MEIOSIN: variants seen among roughly 807,000 people sequenced by gnomAD.
MEIOSIN encodes the protein meiosis initiator protein.
In MEIOSIN, 18 loss-of-function variants were observed where a neutral mutation model predicts 23.4. That is an observed-to-expected ratio of 0.77 (90% CI 0.53 to 1.14). The LOEUF (loss-of-function observed/expected upper bound fraction) is 1.14, where lower values mean the gene tolerates loss of function less well. MEIOSIN is among the 50% of genes most tolerant of loss of function. MEIOSIN has a pLI of 0.00. For synonymous variants in MEIOSIN, 187 were observed against 100.6 expected (o/e 1.86, Z -5.14); for missense variants, 428 against 242.9 (o/e 1.76, Z -5.07).
At chr19:45,745,395 C>T (rs1968575634) in intron 4 of MEIOSIN, 74 bp downstream of exon 4, 2 of 662,324 alleles carry the variant, frequency 3.0e-6, no homozygotes, top group African/African-American at 3.6e-5. Flanking sequence ...TCACCCTCTC[C>T]TGGGAAACCT....
At chr19:45,750,268 C>T (rs1446762283) in intron 4 of MEIOSIN, among the ~76,000 whole-genome samples, 1 of 148,132 alleles carries the variant, frequency 6.8e-6, no homozygotes, top group Non-Finnish European at 1.5e-5. Flanking sequence ...ACCTTTGCTT[C>T]AGGCTGTGTC....
intron 11 of MEIOSIN, among the ~76,000 whole-genome samples, chr19:45,761,365 T>G (rs1290747090): frequency 1.3e-5 from 2 of 149,938 alleles, no homozygotes; most frequent in Non-Finnish European, 3.0e-5. Flanking sequence ...CAGGTGATCC[T>G]CCTGCCTCAG....
At chr19:45,747,969 C>T (rs536972588) in intron 4 of MEIOSIN, among the ~76,000 whole-genome samples, 7 of 152,256 alleles carry the variant, frequency 4.6e-5, no homozygotes, top group East Asian at 3.9e-4. Flanking sequence ...CCATGGTCCC[C>T]GCTACCCAGG....
At chr19:45,759,791 AT>A (rs869146697) in intron 11 of MEIOSIN, among the ~76,000 whole-genome samples, 11 of 536 alleles carry the variant, frequency 0.021, no homozygotes, top group African/African-American at 0.071. Flanking sequence ...TTATTCATTT[AT>A]TTTATTTTAT....
intron 3 of MEIOSIN, among the ~76,000 whole-genome samples, chr19:45,739,994 C>G (rs188076402): frequency 6.6e-6 from 1 of 152,030 alleles, no homozygotes; most frequent in African/African-American, 2.4e-5. Flanking sequence ...ATTACAGGCA[C>G]GTGCCACCAC....
In MEIOSIN at chr19:45,759,010, A is replaced by G. The variant is rs1045898287; in HGVS notation, c.1145A>G (p.Asp382Gly). 2.1e-5 allele frequency: 15 copies of G among 702,908 alleles called. No individual in the cohort carries two copies. Among genetic ancestry groups the G allele is most frequent in the Middle Eastern group, 4.6e-4 (2 of 4,392 alleles). The allele number at this position is 702,908 out of a possible 1,614,324, so 43.5% of individuals were successfully genotyped here. ...GKLLPDEILE[D>G]DMEYLTQAAF... The stretch of plus-strand genomic sequence containing the variant: ...CTGCTGCCAGACGAGATCTTGGAGG[A>G]TGACATGGAGTACCTGACCCAAGGT... Residue 382 changes from aspartate to glycine, a missense_variant, in exon 10 of 15, where the codon GAT becomes GGT. Transcript: ENST00000457052.
chr19:45,756,543 G>A (rs1968833568), intron 8 of MEIOSIN, among the ~76,000 whole-genome samples: 2 of 152,146 alleles, frequency 1.3e-5, no homozygotes, highest in African/African-American at 4.8e-5. Context: ...TCAGCTTCCT[G>A]AGTAGCTGGG....
chr19:45,750,365 T>TC (rs201503492), intron 4 of MEIOSIN, among the ~76,000 whole-genome samples: 4 of 141,872 alleles, frequency 2.8e-5, no homozygotes, highest in East Asian at 4.2e-4. Context: ...TTTTTCTTTT[T>TC]TTTTTTTTTT....
Position 45,762,113 on chromosome 19 carries a change from C to G in MEIOSIN, c.1609C>G (p.Pro537Ala), listed in dbSNP as rs903995053. Residue 537 changes from proline (P) to alanine (A), a missense_variant, in exon 13 of 15, where the codon CCC (proline) becomes GCC (alanine). Transcript: ENST00000457052. ...PKEKKKGPCP[P>A]QMKKKCVNGF... ...GGAGAAGAAGAAAGGCCCCTGCCCA[C>G]CCCAGATGAAGAAGAAGTGTGTCAA... 103 of 434,762 alleles carry G rather than the reference C, an allele frequency of 2.4e-4. No homozygotes were observed. The highest frequency in any genetic ancestry group is 5.8e-4 in the Middle Eastern group (1 of 1,726). 26.9% of individuals were successfully genotyped at this position (434,762 alleles called of 1,614,324 possible).
intron 7 of MEIOSIN, among the ~76,000 whole-genome samples, chr19:45,755,686 A>G (rs1968810562): frequency 1.3e-5 from 2 of 152,004 alleles, no homozygotes. Context: ...TGACCTCGTG[A>G]TCCACCGCCT....
rs1327934135 is a variant in MEIOSIN, at chr19:45,754,582, G to A, written c.660G>A (p.Gly220=). 1 of 702,930 alleles carries A rather than the reference G, an allele frequency of 1.4e-6. No individual in the cohort carries two copies. Among genetic ancestry groups the A allele is most frequent in the African/African-American group, 1.7e-5 (1 of 57,246 alleles). 43.5% of individuals were successfully genotyped at this position (702,930 alleles called of 1,614,324 possible). Residue 220 remains glycine, a synonymous_variant, in exon 7 of 15, where the codon GGG becomes GGA. Transcript: ENST00000457052. Reference sequence around the variant, plus strand: ...ACCAGAAAGGAAGTGGCACAGGGGGGACCACTACCCCTCCAAGGTGCCCTG... The same window carrying A: ...ACCAGAAAGGAAGTGGCACAGGGGGAACCACTACCCCTCCAAGGTGCCCTG... The part of the protein sequence containing the change: ...SPDQKGSGTG[G]TTTPPRCPDS...
At chr19:45,748,356 A>C (rs933413242) in intron 4 of MEIOSIN, among the ~76,000 whole-genome samples, 1 of 152,224 alleles carries the variant, frequency 6.6e-6, no homozygotes, top group African/African-American at 2.4e-5. Context: ...CTGGGATTAC[A>C]GGCGTGAGCC....
At chr19:45,763,515 T>C (rs1251165870) in intron 14 of MEIOSIN, 88 bp downstream of exon 14, 3 of 398,068 alleles carry the variant, frequency 7.5e-6, no homozygotes, top group East Asian at 7.1e-5. Flanking sequence ...GCCTTGGGTG[T>C]CATGGCATGG....
intron 5 of MEIOSIN, 44 bp from the exon 6 acceptor site, chr19:45,753,607 G>C (rs922792664): frequency 1.5e-6 from 1 of 677,370 alleles, no homozygotes; most frequent in East Asian, 2.7e-5. Flanking sequence ...GTTGGATGCA[G>C]ATGGGGTGGG....
Position 45,757,054 on chromosome 19 carries a change from C to T in MEIOSIN, c.912-123C>T, listed in dbSNP as rs1221839768. The T allele has an allele frequency of 1.3e-5, 8 of 602,606 alleles. No homozygotes were observed. The East Asian group carries it at 1.4e-4, about 10-fold the overall frequency. The allele number at this position is 602,606 out of a possible 1,614,324, so 37.3% of individuals were successfully genotyped here. A position where few individuals can be genotyped will look rare whatever the true frequency, so the allele number is the denominator to read the frequency against. On this transcript the variant is annotated intron_variant, in intron 8 of 14. Transcript: ENST00000457052. ...GTAAGCTCCCTGAGGATGGGAGCCT[C>T]GACTGACTGAGCTTTACACCCCCAG...
intron 3 of MEIOSIN, among the ~76,000 whole-genome samples, chr19:45,740,916 A>G (rs879494439): frequency 2.6e-5 from 4 of 152,050 alleles, no homozygotes; most frequent in South Asian, 2.1e-4. Context: ...ACCTTTCAGT[A>G]TTCATTAATT....
At chr19:45,754,331 A>C in intron 6 of MEIOSIN, 148 bp from the exon 7 acceptor site, 2 of 598,784 alleles carry the variant, frequency 3.3e-6, no homozygotes, top group South Asian at 2.0e-5. Flanking sequence ...GGTTGAACAA[A>C]GAGGCCTGTG....
chr19:45,756,445 TCTCA>T (rs1239081002), intron 8 of MEIOSIN, among the ~76,000 whole-genome samples: 2 of 152,056 alleles, frequency 1.3e-5, no homozygotes, highest in African/African-American at 4.8e-5. Context: ...TGAGACAGGG[TCTCA>T]CTCTGTCGCC....
chr19:45,746,246 C>T (rs1483772316), intron 4 of MEIOSIN, among the ~76,000 whole-genome samples: 1 of 152,168 alleles, frequency 6.6e-6, no homozygotes, highest in Admixed American at 6.5e-5. Context: ...GGATTACAGG[C>T]ATAAGCCACT....
Sources: allele counts gnomAD v4.1 joint callset (sites outside exome capture counted in the v4.1 genomes callset), GRCh38; gene constraint gnomAD v4.1.1; transcripts MANE v1.5; gene names NCBI Gene and HGNC (gene_info 2026-07-23, HGNC 2026-07-21).